SLC24A2: variants seen among roughly 807,000 people sequenced by gnomAD.
The protein encoded by SLC24A2 is solute carrier family 24 member 2.
A neutral mutation model predicts 62.0 loss-of-function variants in SLC24A2; 36 were observed. That is an observed-to-expected ratio of 0.58 (90% CI 0.44 to 0.77). The LOEUF is 0.77. Among genes scored for constraint, SLC24A2 ranks in the 30% least tolerant of loss-of-function variants. The probability of loss-of-function intolerance (pLI) is 0.00; values close to 1 mark genes in which losing one functional copy is unlikely to be tolerated. For missense variants in SLC24A2, 846 were observed against 817.9 expected (o/e 1.03, Z -0.42); for synonymous variants, 358 against 294.0 (o/e 1.22, Z -2.23).
the SLC24A2 span, among the ~76,000 whole-genome samples, chr9:20,074,434 A>C: frequency 6.6e-6 from 1 of 151,810 alleles, no homozygotes; most frequent in Non-Finnish European, 1.5e-5. Context: ...CCAACAATTT[A>C]TTATCTGTTT....
chr9:19,813,677 A>G, the SLC24A2 span, among the ~76,000 whole-genome samples: 1 of 151,998 alleles, frequency 6.6e-6, no homozygotes, highest in East Asian at 1.9e-4. Context: ...CATCCCCTCA[A>G]AATTCATATG....
At chr9:19,993,014 T>C in the SLC24A2 span, among the ~76,000 whole-genome samples, 385 of 152,302 alleles carry the variant, frequency 2.5e-3, 2 homozygotes, top group African/African-American at 8.7e-3. Flanking sequence ...TCATTCTTAT[T>C]CTACTCAAAC....
intron 2 of SLC24A2, among the ~76,000 whole-genome samples, chr9:19,746,195 G>A (rs1183397223): frequency 6.6e-6 from 1 of 151,792 alleles, no homozygotes; most frequent in Non-Finnish European, 1.5e-5. Flanking sequence ...GAGGTAAGCG[G>A]CTCTCTTGTT....
chr9:19,966,076 T>C, the SLC24A2 span, among the ~76,000 whole-genome samples: 1 of 152,190 alleles, frequency 6.6e-6, no homozygotes, highest in Non-Finnish European at 1.5e-5. Context: ...GATGCATAAT[T>C]TACCGGACAT....
chr9:20,162,117 T>C, the SLC24A2 span, among the ~76,000 whole-genome samples: 3 of 151,736 alleles, frequency 2.0e-5, no homozygotes, highest in East Asian at 3.9e-4. Flanking sequence ...AAACTTGGCA[T>C]TGTGATGTGA....
intron 7 of SLC24A2, among the ~76,000 whole-genome samples, chr9:19,564,392 G>A (rs1369855890): frequency 6.6e-6 from 1 of 152,126 alleles, no homozygotes; most frequent in African/African-American, 2.4e-5. Context: ...TAACAGTATG[G>A]AGAAATAAGT....
chr9:19,737,669 A>G (rs1412579184), intron 2 of SLC24A2, among the ~76,000 whole-genome samples: 3 of 152,072 alleles, frequency 2.0e-5, no homozygotes, highest in Admixed American at 2.0e-4. Context: ...TTATTTTTTC[A>G]GGTTTAAAAA....
the SLC24A2 span, among the ~76,000 whole-genome samples, chr9:20,097,720 A>ATTTTTTTTTTTTTTTT: frequency 2.7e-4 from 19 of 69,114 alleles, no homozygotes; most frequent in East Asian, 1.3e-3. Flanking sequence ...ATCTTAAATA[A>ATTTTTTTTTTTTTTTT]TTTTTTTTTT....
chr9:20,023,807 C>T, the SLC24A2 span, among the ~76,000 whole-genome samples: 6 of 152,238 alleles, frequency 3.9e-5, no homozygotes, highest in East Asian at 1.2e-3. Context: ...ACTCCTCCTG[C>T]CCCCCACTAG....
chr9:20,302,349 A>G, the SLC24A2 span, among the ~76,000 whole-genome samples: 1 of 152,238 alleles, frequency 6.6e-6, no homozygotes, highest in Admixed American at 6.5e-5. Flanking sequence ...CACCCACACC[A>G]GCAATCAATG....
the SLC24A2 span, among the ~76,000 whole-genome samples, chr9:20,107,781 A>C: frequency 6.6e-6 from 1 of 152,152 alleles, no homozygotes; most frequent in Non-Finnish European, 1.5e-5. Context: ...GGACATAGGC[A>C]TGGGCAAGGA....
chr9:19,964,098 A>T, the SLC24A2 span, among the ~76,000 whole-genome samples: 3 of 151,592 alleles, frequency 2.0e-5, no homozygotes, highest in Admixed American at 1.3e-4. Context: ...AAATCATCAT[A>T]CTCAGTAAAC....
the SLC24A2 span, among the ~76,000 whole-genome samples, chr9:20,144,221 G>A: frequency 1.3e-5 from 2 of 152,226 alleles, no homozygotes; most frequent in African/African-American, 4.8e-5. Flanking sequence ...ATCACTGGCA[G>A]ATAGGAACTT....
At chr9:19,627,697 G>GA (rs897796405) in intron 2 of SLC24A2, among the ~76,000 whole-genome samples, 34 of 150,812 alleles carry the variant, frequency 2.3e-4, no homozygotes, top group Middle Eastern at 3.4e-3. Context: ...AGATAATTAC[G>GA]AAAAAAAAAT....
chr9:20,272,952 G>A, the SLC24A2 span, among the ~76,000 whole-genome samples: 1 of 152,206 alleles, frequency 6.6e-6, no homozygotes, highest in African/African-American at 2.4e-5. Context: ...ACTGGATCCT[G>A]ATCCCAGGCT....
chr9:19,891,787 G>A, the SLC24A2 span, among the ~76,000 whole-genome samples: 1 of 152,082 alleles, frequency 6.6e-6, no homozygotes, highest in African/African-American at 2.4e-5. Flanking sequence ...ATCAGCTCTT[G>A]AGAGAGCTGA....
the SLC24A2 span, among the ~76,000 whole-genome samples, chr9:20,103,282 C>G: frequency 6.6e-6 from 1 of 152,172 alleles, no homozygotes; most frequent in African/African-American, 2.4e-5. Context: ...CACAGACAAA[C>G]AAAAAGGCAG....
the SLC24A2 span, among the ~76,000 whole-genome samples, chr9:20,275,496 CAAG>C: frequency 6.6e-6 from 1 of 152,208 alleles, no homozygotes; most frequent in Non-Finnish European, 1.5e-5. Flanking sequence ...AGGCCACCAA[CAAG>C]AAGATCACAC....
chr9:20,283,311 G>A, the SLC24A2 span, among the ~76,000 whole-genome samples: 23 of 152,300 alleles, frequency 1.5e-4, no homozygotes, highest in African/African-American at 5.1e-4. Flanking sequence ...TAGGAAACAG[G>A]TCGATTCCTG....
Sources: gnomAD v4.1 joint callset for allele counts (sites outside exome capture counted in the v4.1 genomes callset) on GRCh38, gnomAD v4.1.1 for gene constraint, MANE v1.5 for transcripts, NCBI Gene and HGNC (gene_info 2026-07-23, HGNC 2026-07-21) for gene names.